Variants in THEMIS observed in about 807,000 individuals in gnomAD.
THEMIS encodes thymocyte selection associated.
THEMIS carries 37 observed loss-of-function variants against 52.6 expected under a neutral mutation model. The ratio of observed to expected loss-of-function variants is 0.70; its 90% CI spans 0.54 to 0.93. The LOEUF (loss-of-function observed/expected upper bound fraction) is 0.93, where lower values mean the gene tolerates loss of function less well. Among genes scored for constraint, THEMIS ranks in the 40% least tolerant of loss-of-function variants. The pLI, the probability that THEMIS is intolerant of heterozygous loss-of-function variation, is 0.00. For missense variants in THEMIS, 808 were observed against 763.1 expected (o/e 1.06, Z -0.69); for synonymous variants, 292 against 272.7 (o/e 1.07, Z -0.70).
At chr6:127,757,886 G>A (rs1775888876) in intron 4 of THEMIS, among the ~76,000 whole-genome samples, 1 of 151,934 alleles carries the variant, frequency 6.6e-6, no homozygotes, top group Admixed American at 6.6e-5. Context: ...GAGCGATCAG[G>A]TAATAAAGGG....
At chr6:127,710,401 G>A (rs1773936544) in intron 5 of THEMIS, among the ~76,000 whole-genome samples, 1 of 151,982 alleles carries the variant, frequency 6.6e-6, no homozygotes. Flanking sequence ...TAGCTAGTAA[G>A]AAGATGAAGC....
intron 4 of THEMIS, among the ~76,000 whole-genome samples, chr6:127,775,528 A>G (rs565568809): frequency 1.3e-5 from 2 of 152,042 alleles, no homozygotes; most frequent in East Asian, 1.9e-4. Context: ...AATTACAACC[A>G]TAGCTTTGGT....
chr6:127,885,296 T>A (rs568953911), intron 1 of THEMIS, among the ~76,000 whole-genome samples: 2 of 152,242 alleles, frequency 1.3e-5, no homozygotes, highest in South Asian at 4.1e-4. Context: ...TCTCTCATTC[T>A]GAAAGTTTCT....
chr6:127,702,766 G>A, the THEMIS span, among the ~76,000 whole-genome samples: 1 of 152,202 alleles, frequency 6.6e-6, no homozygotes, highest in Non-Finnish European at 1.5e-5. Context: ...CACAATCATG[G>A]CAGAAGGTGA....
At chr6:127,710,863 G>T (rs959670657) in intron 5 of THEMIS, among the ~76,000 whole-genome samples, 11 of 151,868 alleles carry the variant, frequency 7.2e-5, no homozygotes, top group African/African-American at 2.4e-4. Flanking sequence ...AGTGCTAACT[G>T]CCAGGACCTG....
At chr6:127,701,580 G>C in the THEMIS span, among the ~76,000 whole-genome samples, 2 of 152,050 alleles carry the variant, frequency 1.3e-5, no homozygotes, top group African/African-American at 4.8e-5. Flanking sequence ...CTGGGTCATA[G>C]GGTAGGTGTA....
At chr6:127,770,217 G>T (rs1776336616) in intron 4 of THEMIS, among the ~76,000 whole-genome samples, 1 of 152,168 alleles carries the variant, frequency 6.6e-6, no homozygotes, top group Admixed American at 6.5e-5. Flanking sequence ...CATAATGGCT[G>T]AACTAGTTTA....
chr6:127,789,900 A>G (rs1777100954), intron 4 of THEMIS, among the ~76,000 whole-genome samples: 1 of 152,232 alleles, frequency 6.6e-6, no homozygotes, highest in African/African-American at 2.4e-5. Context: ...GCCATTTATG[A>G]CAAACCCACA....
intron 3 of THEMIS, among the ~76,000 whole-genome samples, chr6:127,820,578 A>G (rs1173215425): frequency 6.6e-6 from 1 of 152,126 alleles, no homozygotes; most frequent in African/African-American, 2.4e-5. Context: ...TCAGATTAAG[A>G]AAGACCAAAT....
At chr6:127,840,853 G>T (rs1010196635) in intron 2 of THEMIS, among the ~76,000 whole-genome samples, 7 of 151,918 alleles carry the variant, frequency 4.6e-5, no homozygotes, top group African/African-American at 1.7e-4. Flanking sequence ...ATCTTTAAAG[G>T]CTACATACTA....
intron 4 of THEMIS, among the ~76,000 whole-genome samples, chr6:127,741,256 T>A (rs1005949316): frequency 1.3e-5 from 2 of 152,198 alleles, no homozygotes; most frequent in African/African-American, 4.8e-5. Context: ...GCATTTTCAA[T>A]AACTTTTAAG....
chr6:127,836,410 T>G (rs1443992087), intron 2 of THEMIS, among the ~76,000 whole-genome samples: 1 of 152,166 alleles, frequency 6.6e-6, no homozygotes, highest in Non-Finnish European at 1.5e-5. Context: ...GCTGTGGTGT[T>G]TCCTTGTAAC....
intron 1 of THEMIS, among the ~76,000 whole-genome samples, chr6:127,911,492 G>A (rs1583420817): frequency 1.3e-5 from 2 of 150,940 alleles, no homozygotes; most frequent in East Asian, 3.9e-4. Flanking sequence ...ATCTGATACT[G>A]CTTTTAAAAC....
intron 4 of THEMIS, 97 bp downstream of exon 4, chr6:127,812,782 TGAAA>T: frequency 8.3e-7 from 1 of 1,207,074 alleles, no homozygotes; most frequent in Non-Finnish European, 1.2e-6. Context: ...AAATATGGCA[TGAAA>T]GAAAGAAAAG....
At chr6:127,839,342 T>C (rs1778968993) in intron 2 of THEMIS, among the ~76,000 whole-genome samples, 1 of 152,128 alleles carries the variant, frequency 6.6e-6, no homozygotes, top group South Asian at 2.1e-4. Context: ...ATTATAACTA[T>C]ATGTATTCTT....
intron 1 of THEMIS, among the ~76,000 whole-genome samples, chr6:127,875,194 G>A (rs976459901): frequency 6.6e-6 from 1 of 152,230 alleles, no homozygotes; most frequent in Admixed American, 6.5e-5. Context: ...TGGAGTAAAA[G>A]ATACATGGGA....
intron 4 of THEMIS, among the ~76,000 whole-genome samples, chr6:127,761,681 C>T (rs78698583): frequency 6.6e-6 from 1 of 152,108 alleles, no homozygotes; most frequent in Non-Finnish European, 1.5e-5. Context: ...CAGGGAGCAG[C>T]CCACCCTTTT....
At chr6:127,757,532 G>C (rs1424795276) in intron 4 of THEMIS, among the ~76,000 whole-genome samples, 1 of 151,872 alleles carries the variant, frequency 6.6e-6, no homozygotes, top group Non-Finnish European at 1.5e-5. Context: ...GCCCAGGCTG[G>C]AGTGCAGTGG....
At chr6:127,729,713 C>G (rs914668985) in intron 4 of THEMIS, among the ~76,000 whole-genome samples, 6 of 152,160 alleles carry the variant, frequency 3.9e-5, no homozygotes, top group Non-Finnish European at 7.3e-5. Flanking sequence ...TTCTGCCAAA[C>G]TTTAACAAGA....
Sources: allele counts gnomAD v4.1 joint callset (sites outside exome capture counted in the v4.1 genomes callset), GRCh38; gene constraint gnomAD v4.1.1; transcripts MANE v1.5; gene names NCBI Gene and HGNC (gene_info 2026-07-23, HGNC 2026-07-21).